The following UBTD2 variants were observed in gnomAD, a reference collection of about 807,000 sequenced individuals.
The protein encoded by UBTD2 is ubiquitin domain-containing protein 2.
In UBTD2, 9 loss-of-function variants were observed where a neutral mutation model predicts 19.8. The observed-to-expected ratio is 0.46, with a 90% CI of 0.27 to 0.79. The LOEUF (loss-of-function observed/expected upper bound fraction) is 0.79, where lower values mean the gene tolerates loss of function less well. Among genes scored for constraint, UBTD2 ranks in the 30% least tolerant of loss-of-function variants. The pLI is 0.14. For missense variants in UBTD2, 250 were observed against 300.4 expected, an observed-to-expected ratio of 0.83 and a Z score of 1.24; for synonymous variants, 98 against 103.9, an observed-to-expected ratio of 0.94 and a Z score of 0.35.
chr5:172,281,444 A>G lies in UBTD2; in HGVS notation c.70+2152T>C, dbSNP rs144207862. 1.4e-3 allele frequency among the ~76,000 whole-genome samples: 220 copies of G among 152,264 alleles called. 2 individuals carry two copies. In the Middle Eastern group the frequency reaches 0.031, roughly 21 times the overall value. On this transcript the variant is annotated intron_variant, in intron 1 of 2. Coordinates refer to ENST00000393792, the MANE Select transcript of UBTD2 (RefSeq NM_152277.3). ...TACCTGGGAGGTCAAGGCTGCAGTG[A>G]GCTGTGATCTGGCACTGCACTCCAG...
chr5:172,283,330 G>C lies in UBTD2; in HGVS notation c.70+266C>G, dbSNP rs1755758619. On this transcript the variant is annotated intron_variant, in intron 1 of 2. Transcript: ENST00000393792. The surrounding 1 kb of genome is among the most constrained non-coding windows in gnomAD (Gnocchi z 4.3). ...GAGGTGGCCAGAAGGGCAGCTTCGG[G>C]TCCGACTTCCCCGAGCCGAGCGGGG... Among the ~76,000 whole-genome samples, 1 of 152,124 alleles carries C rather than the reference G, an allele frequency of 6.6e-6. No homozygotes were observed. The highest frequency in any genetic ancestry group is 1.5e-5 in the Non-Finnish European group (1 of 68,006).
chr5:172,211,393 A>T lies in UBTD2; in HGVS notation c.*437T>A. 1 of 148,240 alleles carries T rather than the reference A, an allele frequency of 6.7e-6. No individual in the cohort carries two copies. The highest frequency in any genetic ancestry group is 1.5e-5 in the Non-Finnish European group (1 of 67,376). The allele number at this position is 148,240 out of a possible 1,614,324, so 9.2% of individuals were successfully genotyped here. On this transcript the variant is annotated 3_prime_UTR_variant, in exon 3 of 3. Coordinates refer to ENST00000393792, the MANE Select transcript of UBTD2 (RefSeq NM_152277.3). ...CAAAACAAAACAAAACAAAACAAAAAGGTTAAGTTTTATATCCATTATTTA... is the reference window on the plus strand; with the variant it reads ...CAAAACAAAACAAAACAAAACAAAATGGTTAAGTTTTATATCCATTATTTA...
intron 2 of UBTD2, among the ~76,000 whole-genome samples, chr5:172,219,796 C>T (rs1280273176): frequency 1.3e-5 from 2 of 152,280 alleles, no homozygotes; most frequent in East Asian, 1.9e-4. Context: ...AAACACAGTG[C>T]GTGACAAGCG....
intron 1 of UBTD2, among the ~76,000 whole-genome samples, chr5:172,261,183 C>G (rs1755263568): frequency 6.6e-6 from 1 of 152,202 alleles, no homozygotes; most frequent in African/African-American, 2.4e-5. Context: ...CCTTTATCAA[C>G]TATAAAACCA....
At chr5:172,227,080 A>G (rs931217368) in intron 2 of UBTD2, among the ~76,000 whole-genome samples, 1 of 152,180 alleles carries the variant, frequency 6.6e-6, no homozygotes, top group African/African-American at 2.4e-5. Flanking sequence ...GGTCTGTGTA[A>G]AGCTGATCTG....
At position 172,210,181 on chromosome 5, in the gene UBTD2, TAAGG is replaced by T. The variant is rs1771411026; in HGVS notation, c.*1645_*1648del. 1 of 152,192 alleles carries T rather than the reference TAAGG, an allele frequency of 6.6e-6. No homozygotes were observed. Among genetic ancestry groups the T allele is most frequent in the South Asian group, 2.1e-4 (1 of 4,830 alleles). The allele number at this position is 152,192 out of a possible 1,614,324, so 9.4% of individuals were successfully genotyped here. A position where few individuals can be genotyped will look rare whatever the true frequency, so the allele number is the denominator to read the frequency against. On this transcript the variant is annotated 3_prime_UTR_variant, in exon 3 of 3. Coordinates refer to ENST00000393792, the MANE Select transcript of UBTD2 (RefSeq NM_152277.3). ...AATCTTTAAAATGATTGCATAAAAATAAGGAAGTAGTTAAAGCTCTCAGAAACAT... is the reference window on the plus strand; with the variant it reads ...AATCTTTAAAATGATTGCATAAAAATAAGTAGTTAAAGCTCTCAGAAACAT...
At chr5:172,230,785 A>T (rs994814778) in intron 2 of UBTD2, among the ~76,000 whole-genome samples, 20 of 143,256 alleles carry the variant, frequency 1.4e-4, no homozygotes, top group East Asian at 8.0e-4. Flanking sequence ...TTTTTTCCTT[A>T]TTTTTTTTTT....
chr5:172,231,076 C>A (rs1014831382), intron 2 of UBTD2, among the ~76,000 whole-genome samples: 4 of 152,180 alleles, frequency 2.6e-5, no homozygotes, highest in African/African-American at 9.7e-5. Context: ...AGCCACTGCA[C>A]CTGGCCCAAA....
chr5:172,245,597 A>C (rs1754861999), intron 1 of UBTD2, among the ~76,000 whole-genome samples: 1 of 152,112 alleles, frequency 6.6e-6, no homozygotes, highest in Non-Finnish European at 1.5e-5. Context: ...CTGTAATCCC[A>C]GCTACTTGGG....
intron 1 of UBTD2, among the ~76,000 whole-genome samples, chr5:172,239,153 C>A (rs1195011801): frequency 3.9e-5 from 6 of 152,132 alleles, no homozygotes; most frequent in African/African-American, 1.4e-4. Flanking sequence ...ATATGCAAAT[C>A]TTCTCTACTG....
chr5:172,221,340 C>A (rs1003256398), intron 2 of UBTD2, among the ~76,000 whole-genome samples: 1 of 151,936 alleles, frequency 6.6e-6, no homozygotes, highest in Non-Finnish European at 1.5e-5. Context: ...CCCATCTCTA[C>A]CAAAGAAATA....
Position 172,238,599 on chromosome 5 carries a change from C to G in UBTD2, c.71-4241G>C, listed in dbSNP as rs542395568. On this transcript the variant is annotated intron_variant, in intron 1 of 2. Coordinates refer to ENST00000393792, the MANE Select transcript of UBTD2 (RefSeq NM_152277.3). ...CCCACTCTGTAACAAATAAACAGAT[C>G]TAACACACAGAAAACCCAAGTAAGG... Among the ~76,000 whole-genome samples the G allele has an allele frequency of 9.2e-5, 14 of 152,260 alleles. No homozygotes were observed. In the East Asian group the frequency reaches 2.7e-3, roughly 29 times the overall value.
intron 1 of UBTD2, among the ~76,000 whole-genome samples, chr5:172,259,620 G>A (rs1308098665): frequency 4.0e-5 from 6 of 151,838 alleles, no homozygotes; most frequent in South Asian, 2.1e-4. Context: ...GTGTGGAGGC[G>A]GTGTGGGGGT....
chr5:172,217,827 C>G lies in UBTD2; in HGVS notation c.308-5600G>C, dbSNP rs1771575630. On this transcript the variant is annotated intron_variant, in intron 2 of 2. Transcript: ENST00000393792. ...TTTAATGGGTATGCACCTAACCGCA[C>G]AGCAAAGTATGTGAGGCAGAACTGA... Among the ~76,000 whole-genome samples the G allele has an allele frequency of 1.3e-5, 2 of 152,116 alleles. 1 individual carries two copies. The highest frequency in any genetic ancestry group is 1.3e-4 in the Admixed American group (2 of 15,262).
At chr5:172,217,346 G>C (rs1771563597) in intron 2 of UBTD2, among the ~76,000 whole-genome samples, 1 of 151,028 alleles carries the variant, frequency 6.6e-6, no homozygotes. Context: ...ATGAACCCGG[G>C]AGGCGGAGCT....
chr5:172,281,220 G>A (rs1755707868), intron 1 of UBTD2, among the ~76,000 whole-genome samples: 1 of 152,180 alleles, frequency 6.6e-6, no homozygotes, highest in Admixed American at 6.5e-5. Context: ...AATTAAATCT[G>A]TCATGGAAAG....
chr5:172,271,932 G>C (rs531250730), intron 1 of UBTD2, among the ~76,000 whole-genome samples: 97 of 152,292 alleles, frequency 6.4e-4, no homozygotes, highest in African/African-American at 2.3e-3. Context: ...AGAACTCAAT[G>C]AGAAAAGCCC....
intron 1 of UBTD2, among the ~76,000 whole-genome samples, chr5:172,264,687 C>T (rs1469330011): frequency 9.9e-5 from 15 of 151,626 alleles, no homozygotes; most frequent in Non-Finnish European, 2.1e-4. Flanking sequence ...CCAAACTGGG[C>T]AACATGGTGA....
At position 172,211,550 on chromosome 5, in the gene UBTD2, T is replaced by C; in HGVS notation, c.*280A>G. 1 of 300,370 alleles carries C rather than the reference T, an allele frequency of 3.3e-6. No individual in the cohort carries two copies. The highest frequency in any genetic ancestry group is 6.1e-6 in the Non-Finnish European group (1 of 163,080). The allele number at this position is 300,370 out of a possible 1,614,324, so 18.6% of individuals were successfully genotyped here. ...AAGTCACTGAAATATAGCCATTACA[T>C]AGTTGTTGAGTGTTCTAAAATAAAT... is the stretch of plus-strand genomic sequence containing the variant. On this transcript the variant is annotated 3_prime_UTR_variant, in exon 3 of 3. Transcript: ENST00000393792.
Sources: gnomAD v4.1 joint callset for allele counts (sites outside exome capture counted in the v4.1 genomes callset) on GRCh38, gnomAD v4.1.1 for gene constraint, Gnocchi (gnomAD v3.1) non-coding constraint, MANE v1.5 for transcripts, NCBI Gene and HGNC (gene_info 2026-07-23, HGNC 2026-07-21) for gene names.